Variants in CORO2B observed in about 807,000 individuals in gnomAD.
CORO2B encodes the protein coronin-2B.
In CORO2B, 26 loss-of-function variants were observed where a neutral mutation model predicts 58.8. That is an observed-to-expected ratio of 0.44 (90% CI 0.32 to 0.61). The LOEUF (loss-of-function observed/expected upper bound fraction) is 0.61. Ranked by LOEUF, CORO2B falls within the 20% of genes least tolerant of loss-of-function variation. CORO2B has a pLI of 0.04. For synonymous variants in CORO2B, 242 were observed against 253.8 expected, an observed-to-expected ratio of 0.95 and a Z score of 0.44; for missense variants, 460 against 645.1, an observed-to-expected ratio of 0.71 and a Z score of 3.11.
intron 1 of CORO2B, among the ~76,000 whole-genome samples, chr15:68,620,348 A>T (rs1900483761): frequency 6.6e-6 from 1 of 152,216 alleles, no homozygotes; most frequent in African/African-American, 2.4e-5. Flanking sequence ...TTTAAAGAAA[A>T]TTTTTAAATA....
rs1449579927 is a variant in CORO2B at position 68,605,748 on chromosome 15, A to G, written c.15+26471A>G. On this transcript the variant is annotated intron_variant, in intron 1 of 11. Coordinates refer to ENST00000261861, the MANE Select transcript of CORO2B (RefSeq NM_006091.5). Reference sequence around the variant, plus strand: ...TTTTTTTTTTTTTTTTTTGAGATGGAGTCTCGCTGTGTCGCCCAGGCGGGA... The same window carrying G: ...TTTTTTTTTTTTTTTTTTGAGATGGGGTCTCGCTGTGTCGCCCAGGCGGGA... Among the ~76,000 whole-genome samples the G allele has an allele frequency of 1.4e-4, 14 of 101,700 alleles. No homozygotes were observed. In the Admixed American group the frequency reaches 1.9e-3, roughly 14 times the overall value. The allele number at this position is 101,700 out of a possible 152,430, so 66.7% of individuals were successfully genotyped here.
chr15:68,553,083 G>A, the CORO2B span, among the ~76,000 whole-genome samples: 1 of 152,230 alleles, frequency 6.6e-6, no homozygotes, highest in Admixed American at 6.5e-5. Context: ...ACTAGCAGGG[G>A]AGTGAGACGA....
chr15:68,679,458 A>G (rs1902701799), intron 2 of CORO2B, among the ~76,000 whole-genome samples: 1 of 152,240 alleles, frequency 6.6e-6, no homozygotes, highest in East Asian at 1.9e-4. Context: ...CATTAAGCAC[A>G]GTACAAAGGA....
chr15:68,629,844 G>T (rs1646091676), intron 1 of CORO2B, among the ~76,000 whole-genome samples: 1 of 152,148 alleles, frequency 6.6e-6, no homozygotes, highest in Non-Finnish European at 1.5e-5. Flanking sequence ...GTGTGTCTGT[G>T]TGTGTGTGTT....
intron 1 of CORO2B, among the ~76,000 whole-genome samples, chr15:68,638,724 T>A (rs1901113752): frequency 6.6e-6 from 1 of 152,188 alleles, no homozygotes; most frequent in African/African-American, 2.4e-5. Flanking sequence ...GCTTGTGACT[T>A]TGGACAAGTC....
intron 2 of CORO2B, among the ~76,000 whole-genome samples, chr15:68,691,145 C>T (rs1390974824): frequency 3.3e-5 from 5 of 150,380 alleles, no homozygotes; most frequent in African/African-American, 9.8e-5. Context: ...CTGGCTAACA[C>T]GGTGAAACCC....
At chr15:68,637,308 A>G (rs1015549424) in intron 1 of CORO2B, among the ~76,000 whole-genome samples, 6 of 152,174 alleles carry the variant, frequency 3.9e-5, no homozygotes, top group African/African-American at 1.4e-4. Flanking sequence ...GCCCCTCGGG[A>G]CTGTAGGCTG....
At chr15:68,699,170 T>A (rs1377556844) in intron 3 of CORO2B, among the ~76,000 whole-genome samples, 1 of 151,592 alleles carries the variant, frequency 6.6e-6, no homozygotes, top group Non-Finnish European at 1.5e-5. Context: ...GGGGTGGTGG[T>A]CAGTGAGAGG....
the CORO2B span, among the ~76,000 whole-genome samples, chr15:68,527,485 G>A: frequency 6.6e-6 from 1 of 152,064 alleles, no homozygotes; most frequent in African/African-American, 2.4e-5. Context: ...CCATGTATCT[G>A]TGAGTCTATT....
chr15:68,673,463 A>G (rs992782606), intron 2 of CORO2B, among the ~76,000 whole-genome samples: 2 of 152,122 alleles, frequency 1.3e-5, no homozygotes, highest in Non-Finnish European at 2.9e-5. Flanking sequence ...GGCTGCAGTA[A>G]ACTATGATCA....
chr15:68,719,042 GCAGGTA>G, intron 9 of CORO2B, 96 bp from the exon 10 acceptor site: 1 of 999,058 alleles, frequency 1.0e-6, no homozygotes, highest in South Asian at 1.3e-5. Flanking sequence ...AGGCAGGAGA[GCAGGTA>G]GAGTGACTGG....
At chr15:68,549,115 G>GA in the CORO2B span, among the ~76,000 whole-genome samples, 3 of 151,992 alleles carry the variant, frequency 2.0e-5, no homozygotes, top group Admixed American at 6.6e-5. Flanking sequence ...AATCTTTGCA[G>GA]AAAAATTAGA....
rs1892884176 is a variant in CORO2B at position 68,710,343 on chromosome 15, G to A, written c.334-389G>A. On this transcript the variant is annotated intron_variant, in intron 3 of 11. Coordinates refer to ENST00000261861, the MANE Select transcript of CORO2B (RefSeq NM_006091.5). The surrounding 1 kb of genome is among the most constrained non-coding windows in gnomAD (Gnocchi z 4.1). ...AACAGCCAAAGTGGGGCTGAGCAGA[G>A]TAGCAGGAAGGCAGAGTCTCCTAGA... Among the ~76,000 whole-genome samples, 1 of 152,232 alleles carries A rather than the reference G, an allele frequency of 6.6e-6. No homozygotes were observed. Among genetic ancestry groups the A allele is most frequent in the African/African-American group, 2.4e-5 (1 of 41,458 alleles).
intron 1 of CORO2B, among the ~76,000 whole-genome samples, chr15:68,629,404 A>G (rs757408200): frequency 1.8e-4 from 28 of 152,194 alleles, no homozygotes; most frequent in Non-Finnish European, 3.7e-4. Context: ...GCCTTTCTCT[A>G]TTCTCACAAA....
chr15:68,557,636 C>A, the CORO2B span, among the ~76,000 whole-genome samples: 26,671 of 152,256 alleles, frequency 0.18, 2,478 homozygotes, highest in Middle Eastern at 0.25. Flanking sequence ...TGAGGCCTCA[C>A]TACAGGCCAG....
chr15:68,680,283 C>T (rs566432935), intron 2 of CORO2B, among the ~76,000 whole-genome samples: 1 of 152,316 alleles, frequency 6.6e-6, no homozygotes, highest in Admixed American at 6.5e-5. Context: ...AGAAGCATGT[C>T]TGTACCACTG....
At chr15:68,712,670 AGAGCT>A (rs1892947150) in intron 5 of CORO2B, among the ~76,000 whole-genome samples, 1 of 152,202 alleles carries the variant, frequency 6.6e-6, no homozygotes, top group Admixed American at 6.5e-5. Context: ...ACATCTGCTA[AGAGCT>A]CACTGTGTGG....
chr15:68,588,036 C>A (rs564781396), intron 1 of CORO2B, among the ~76,000 whole-genome samples: 2 of 152,226 alleles, frequency 1.3e-5, no homozygotes, highest in Non-Finnish European at 2.9e-5. Context: ...AGTAGTCTAT[C>A]TCTGTAGGGT....
intron 1 of CORO2B, among the ~76,000 whole-genome samples, chr15:68,604,026 C>T (rs1274286131): frequency 2.0e-5 from 3 of 152,160 alleles, no homozygotes; most frequent in African/African-American, 7.2e-5. Flanking sequence ...GCTGTGGAGT[C>T]AAGACTGCTG....
Sources: gnomAD v4.1 joint callset for allele counts (sites outside exome capture counted in the v4.1 genomes callset) on GRCh38, gnomAD v4.1.1 for gene constraint, Gnocchi (gnomAD v3.1) non-coding constraint, MANE v1.5 for transcripts, NCBI Gene and HGNC (gene_info 2026-07-23, HGNC 2026-07-21) for gene names.